Variants in LRRC4C observed in about 807,000 individuals in gnomAD.
LRRC4C encodes the protein leucine-rich repeat-containing protein 4C.
LRRC4C carries 5 observed loss-of-function variants against 33.6 expected under a neutral mutation model. The ratio of observed to expected loss-of-function variants is 0.15; its 90% CI spans 0.08 to 0.31. The LOEUF is 0.31. Among genes scored for constraint, LRRC4C ranks in the 10% least tolerant of loss-of-function variants. The pLI is 1.00. For synonymous variants in LRRC4C, 329 were observed against 302.0 expected, an observed-to-expected ratio of 1.09 and a Z score of -0.93; for missense variants, 560 against 796.7, an observed-to-expected ratio of 0.70 and a Z score of 3.58.
intron 1 of LRRC4C, among the ~76,000 whole-genome samples, chr11:41,402,244 T>C (rs957098361): frequency 3.3e-5 from 5 of 152,018 alleles, no homozygotes; most frequent in African/African-American, 1.2e-4. Flanking sequence ...CTTCAAACAA[T>C]GATGAAAGCC....
intron 2 of LRRC4C, among the ~76,000 whole-genome samples, chr11:40,906,961 C>A (rs1053083922): frequency 4.6e-5 from 7 of 152,116 alleles, no homozygotes; most frequent in Non-Finnish European, 1.0e-4. Context: ...AATAGAGTTA[C>A]ATATATTGTA....
At chr11:41,409,985 T>G (rs571129942) in intron 1 of LRRC4C, among the ~76,000 whole-genome samples, 1 of 152,308 alleles carries the variant, frequency 6.6e-6, no homozygotes, top group Non-Finnish European at 1.5e-5. Flanking sequence ...AAGAAAATAG[T>G]CTCAATAATC....
At chr11:40,838,241 T>A (rs1952762674) in intron 2 of LRRC4C, among the ~76,000 whole-genome samples, 1 of 152,234 alleles carries the variant, frequency 6.6e-6, no homozygotes, top group Non-Finnish European at 1.5e-5. Context: ...CATGTGTTTT[T>A]ATTTTCTTGT....
intron 1 of LRRC4C, among the ~76,000 whole-genome samples, chr11:41,220,137 C>T (rs1040174948): frequency 2.0e-5 from 3 of 152,034 alleles, no homozygotes; most frequent in African/African-American, 7.2e-5. Flanking sequence ...GTTTTTTATG[C>T]ATTAGGAGAC....
chr11:40,682,053 C>T (rs1439298298), intron 2 of LRRC4C, among the ~76,000 whole-genome samples: 3 of 151,938 alleles, frequency 2.0e-5, no homozygotes, highest in Non-Finnish European at 4.4e-5. Context: ...AAAGAAATTA[C>T]TCATGTAACC....
intron 3 of LRRC4C, among the ~76,000 whole-genome samples, chr11:40,458,488 A>T (rs149960305): frequency 3.9e-5 from 6 of 152,284 alleles, no homozygotes; most frequent in South Asian, 2.1e-4. Flanking sequence ...TAATTCTTGT[A>T]TTCTTGCCAC....
intron 3 of LRRC4C, among the ~76,000 whole-genome samples, chr11:40,606,082 G>A (rs1960557545): frequency 6.6e-6 from 1 of 152,168 alleles, no homozygotes; most frequent in African/African-American, 2.4e-5. Flanking sequence ...TCCCTCATGG[G>A]GGTAAGAGAA....
intron 3 of LRRC4C, among the ~76,000 whole-genome samples, chr11:40,381,176 A>G (rs977718726): frequency 6.6e-6 from 1 of 152,128 alleles, no homozygotes; most frequent in African/African-American, 2.4e-5. Context: ...TTTGTTGGGA[A>G]AAGTATTAAC....
intron 3 of LRRC4C, among the ~76,000 whole-genome samples, chr11:40,625,277 A>T (rs1026601308): frequency 6.6e-6 from 1 of 152,174 alleles, no homozygotes. Flanking sequence ...GTCTGTTCTC[A>T]TGCTGCTGTA....
chr11:40,168,671 T>C lies in LRRC4C; in HGVS notation c.-95-27818A>G, dbSNP rs558593371. Among the ~76,000 whole-genome samples, 7 of 152,280 alleles carry C rather than the reference T, an allele frequency of 4.6e-5. No individual in the cohort carries two copies. In the South Asian group the frequency reaches 1.5e-3, roughly 32 times the overall value. ...TCAGAGTTAATGATCACAGTCCTGC[T>C]TTGCTAATTAATGCCACTGACTCAT... is the stretch of plus-strand genomic sequence containing the variant. On this transcript the variant is annotated intron_variant, in intron 5 of 6. Transcript: ENST00000528697.
chr11:40,308,747 C>T (rs1397199051), intron 4 of LRRC4C, among the ~76,000 whole-genome samples: 1 of 152,170 alleles, frequency 6.6e-6, no homozygotes, highest in Non-Finnish European at 1.5e-5. Context: ...ATTGCCACCA[C>T]ATACGAAAGC....
intron 6 of LRRC4C, among the ~76,000 whole-genome samples, chr11:40,133,735 T>A (rs977020846): frequency 6.6e-6 from 1 of 152,102 alleles, no homozygotes. Context: ...AGTCTGGGTG[T>A]TCAGAGAGAA....
chr11:40,460,136 A>G (rs939544186), intron 3 of LRRC4C, among the ~76,000 whole-genome samples: 32 of 152,138 alleles, frequency 2.1e-4, no homozygotes, highest in African/African-American at 7.7e-4. Flanking sequence ...TTCCTTCTCA[A>G]GGTGATTAGG....
intron 5 of LRRC4C, among the ~76,000 whole-genome samples, chr11:40,193,589 C>G (rs930265341): frequency 5.3e-5 from 8 of 152,266 alleles, no homozygotes; most frequent in South Asian, 2.1e-4. Context: ...GGGAACAAAA[C>G]TGGGCGGAGA....
At chr11:41,244,260 G>GA (rs1413591457) in intron 1 of LRRC4C, among the ~76,000 whole-genome samples, 3 of 151,836 alleles carry the variant, frequency 2.0e-5, no homozygotes, top group Admixed American at 6.6e-5. Context: ...CAAAGAAAGG[G>GA]AAAAAAATGC....
intron 3 of LRRC4C, among the ~76,000 whole-genome samples, chr11:40,584,735 C>G (rs1958633546): frequency 6.6e-6 from 1 of 151,850 alleles, no homozygotes; most frequent in Admixed American, 6.6e-5. Flanking sequence ...AGTTGAAGAA[C>G]AGCCTGGCCA....
At chr11:40,300,970 A>C (rs1190913784) in intron 4 of LRRC4C, among the ~76,000 whole-genome samples, 1 of 152,202 alleles carries the variant, frequency 6.6e-6, no homozygotes, top group African/African-American at 2.4e-5. Flanking sequence ...GCTCTCTGGA[A>C]GGTTTCTGAT....
chr11:40,943,550 G>T (rs1043317599), intron 1 of LRRC4C, among the ~76,000 whole-genome samples: 1 of 152,094 alleles, frequency 6.6e-6, no homozygotes, highest in South Asian at 2.1e-4. Flanking sequence ...CAAACTGCCT[G>T]GTTTGCCCCA....
At chr11:41,309,446 T>C (rs1950589807) in intron 1 of LRRC4C, among the ~76,000 whole-genome samples, 1 of 152,158 alleles carries the variant, frequency 6.6e-6, no homozygotes, top group South Asian at 2.1e-4. Context: ...CGGAATTACA[T>C]AGCTGCTTCT....
Sources: gnomAD v4.1 joint callset for allele counts (sites outside exome capture counted in the v4.1 genomes callset) on GRCh38, gnomAD v4.1.1 for gene constraint, MANE v1.5 for transcripts, NCBI Gene and HGNC (gene_info 2026-07-23, HGNC 2026-07-21) for gene names.